Variants in SPACA9 observed in about 807,000 individuals in gnomAD.
SPACA9 encodes sperm acrosome associated 9, also known as sperm acrosome-associated protein 9.
A neutral mutation model predicts 12.5 loss-of-function variants in SPACA9; 14 were observed. That is an observed-to-expected ratio of 1.12 (90% CI 0.74 to 1.75). The LOEUF (loss-of-function observed/expected upper bound fraction) is 1.75, where lower values mean the gene tolerates loss of function less well. Among genes scored for constraint, SPACA9 ranks in the 40% most tolerant of loss-of-function variants. The pLI is 0.00. For missense variants in SPACA9, 292 were observed against 291.9 expected (o/e 1.00, Z 0.00); for synonymous variants, 111 against 114.1 (o/e 0.97, Z 0.17).
intron 1 of SPACA9, among the ~76,000 whole-genome samples, chr9:132,879,338 T>G (rs984983665): frequency 1.3e-5 from 2 of 152,184 alleles, no homozygotes; most frequent in African/African-American, 4.8e-5. Context: ...AAAATTCTGT[T>G]GTCTCTGTAC....
At position 132,889,912 on chromosome 9, in the gene SPACA9, A is replaced by T. The variant is rs1018613478; in HGVS notation, c.*1301A>T. 3 of 1,455,212 alleles carry T rather than the reference A, an allele frequency of 2.1e-6. No homozygotes were observed. The highest frequency in any genetic ancestry group is 1.4e-5 in the African/African-American group (1 of 69,382). The allele number at this position is 1,455,212 out of a possible 1,614,324, so 90.1% of individuals were successfully genotyped here. A position where few individuals can be genotyped will look rare whatever the true frequency, so the allele number is the denominator to read the frequency against. On this transcript the variant is annotated 3_prime_UTR_variant, in exon 4 of 4. Coordinates refer to ENST00000356311, the MANE Select transcript of SPACA9 (RefSeq NM_001316897.2). Reference sequence around the variant, plus strand: ...TTGTAAAATGTGTCCCTGGCTTCTGAGCTTGCCCAAAGTAATGTCTGACTG... The same window carrying T: ...TTGTAAAATGTGTCCCTGGCTTCTGTGCTTGCCCAAAGTAATGTCTGACTG...
Position 132,887,180 on chromosome 9 carries a change from T to TCCAC in SPACA9, c.145-188_145-187insCACC, listed in dbSNP as rs1365147540. On this transcript the variant is annotated intron_variant, in intron 2 of 3. Transcript: ENST00000356311. This position sits in a 1 kb window ranked among gnomAD's most constrained non-coding sequence, Gnocchi z 5.4. ...ATCCATCCATCCATCCATCCATCCA[T>TCCAC]CTATAGAGAGAGAGATACCACTATA... Among the ~76,000 whole-genome samples the TCCAC allele has an allele frequency of 6.6e-6, 1 of 151,712 alleles. No homozygotes were observed. The highest frequency in any genetic ancestry group is 1.5e-5 in the Non-Finnish European group (1 of 67,900).
intron 2 of SPACA9, among the ~76,000 whole-genome samples, chr9:132,886,257 C>T (rs1053827589): frequency 6.6e-6 from 1 of 152,216 alleles, no homozygotes; most frequent in African/African-American, 2.4e-5. Context: ...CAATTCCTCC[C>T]TAGCTCGAGA....
intron 2 of SPACA9, among the ~76,000 whole-genome samples, chr9:132,886,130 T>A (rs748561224): frequency 1.1e-4 from 17 of 152,194 alleles, no homozygotes; most frequent in Non-Finnish European, 2.1e-4. Context: ...AAACCCTGAT[T>A]TAGATGTAGA....
chr9:132,879,144 C>T (rs879319191), intron 1 of SPACA9, 130 bp downstream of exon 1: 3 of 152,128 alleles, frequency 2.0e-5, no homozygotes, highest in Admixed American at 6.5e-5. Context: ...ACAGCTGTCT[C>T]GGGGTGGGGG....
chr9:132,879,389 C>T (rs927465418), intron 1 of SPACA9, among the ~76,000 whole-genome samples: 1 of 152,258 alleles, frequency 6.6e-6, no homozygotes, highest in African/African-American at 2.4e-5. Flanking sequence ...GCAGACAGCC[C>T]CAGCTTCAAG....
rs895678690 is a variant in SPACA9 at position 132,887,943 on chromosome 9, C to T, written c.348-347C>T. ...CTGAGGGCTCCTCATCCTGACAGCC[C>T]GGGAGCCTGCAGCACAGTGGGCCAG... On this transcript the variant is annotated intron_variant, in intron 3 of 3. Transcript: ENST00000356311. This position sits in a 1 kb window ranked among gnomAD's most constrained non-coding sequence, Gnocchi z 5.4. 5.9e-5 allele frequency among the ~76,000 whole-genome samples: 9 copies of T among 152,070 alleles called. No individual in the cohort carries two copies. Among genetic ancestry groups the T allele is most frequent in the Non-Finnish European group, 1.0e-4 (7 of 68,012 alleles).
chr9:132,889,895 T>A lies in SPACA9; in HGVS notation c.*1284T>A. On this transcript the variant is annotated 3_prime_UTR_variant, in exon 4 of 4. Transcript: ENST00000356311. ...TAGTCGAACCCCAAACATTGTAAAA[T>A]GTGTCCCTGGCTTCTGAGCTTGCCC... 1 of 1,425,546 alleles carries A rather than the reference T, an allele frequency of 7.0e-7. No homozygotes were observed. Among genetic ancestry groups the A allele is most frequent in the East Asian group, 2.6e-5 (1 of 37,862 alleles). The allele number at this position is 1,425,546 out of a possible 1,614,324, so 88.3% of individuals were successfully genotyped here.
chr9:132,880,398 G>T (rs58894392), intron 1 of SPACA9, among the ~76,000 whole-genome samples: 1 of 152,058 alleles, frequency 6.6e-6, no homozygotes, highest in East Asian at 1.9e-4. Flanking sequence ...CATTCCTGGC[G>T]TGCATGTCAC....
Position 132,887,671 on chromosome 9 carries a change from GA to G in SPACA9, c.347+101del. The G allele has an allele frequency of 1.0e-6, 1 of 971,916 alleles. No homozygotes were observed. The highest frequency in any genetic ancestry group is 1.6e-6 in the Non-Finnish European group (1 of 628,898). 60.2% of individuals were successfully genotyped at this position (971,916 alleles called of 1,614,324 possible). ...TGCCTGGATCATGGTGCTCCTATTA[GA>G]CCACCCCGGGCAGGAAATCCCAGTC... On this transcript the variant is annotated intron_variant, in intron 3 of 3. Transcript: ENST00000356311. The surrounding 1 kb of genome is among the most constrained non-coding windows in gnomAD (Gnocchi z 5.4).
At chr9:132,881,272 G>GAAAAAAAAAA (rs776094730) in intron 1 of SPACA9, among the ~76,000 whole-genome samples, 28 of 80,114 alleles carry the variant, frequency 3.5e-4, no homozygotes, top group East Asian at 6.7e-4. Flanking sequence ...CAAAAAAAAA[G>GAAAAAAAAAA]AAAAAAAAAA....
intron 1 of SPACA9, among the ~76,000 whole-genome samples, chr9:132,882,847 G>A (rs1281910412): frequency 6.6e-6 from 1 of 152,100 alleles, no homozygotes; most frequent in African/African-American, 2.4e-5. Flanking sequence ...CAGCACTGAC[G>A]ATGCTGGTTA....
At chr9:132,880,585 G>A (rs984049201) in intron 1 of SPACA9, among the ~76,000 whole-genome samples, 7 of 152,018 alleles carry the variant, frequency 4.6e-5, no homozygotes, top group Non-Finnish European at 8.8e-5. Flanking sequence ...GTAAGCCCTG[G>A]GCCAACATTA....
At position 132,887,586 on chromosome 9, in the gene SPACA9, T is replaced by C. The variant is rs1421651085; in HGVS notation, c.347+15T>C. On this transcript the variant is annotated intron_variant, in intron 3 of 3. Transcript: ENST00000356311. This position sits in a 1 kb window ranked among gnomAD's most constrained non-coding sequence, Gnocchi z 5.4. ...CTCAGAGCAAAGTAAGTCCCTCTGA[T>C]GCTGCTCTTGAGGCCCCGTGTGTGC... 2 of 1,609,810 alleles carry C rather than the reference T, an allele frequency of 1.2e-6. No homozygotes were observed. The highest frequency in any genetic ancestry group is 2.2e-5 in the East Asian group (1 of 44,856).
At position 132,888,653 on chromosome 9, in the gene SPACA9, A is replaced by G. The variant is rs1844645670; in HGVS notation, c.*42A>G. On this transcript the variant is annotated 3_prime_UTR_variant, in exon 4 of 4. Coordinates refer to ENST00000356311, the MANE Select transcript of SPACA9 (RefSeq NM_001316897.2). This position sits in a 1 kb window ranked among gnomAD's most constrained non-coding sequence, Gnocchi z 5.0. Reference sequence around the variant, plus strand: ...CCGTCGGCGGAGAGCTTTGCTGTTTAATTTGGATTTTACTGGTTGGTCCTT... The same window carrying G: ...CCGTCGGCGGAGAGCTTTGCTGTTTGATTTGGATTTTACTGGTTGGTCCTT... The G allele has an allele frequency of 2.0e-6, 3 of 1,482,700 alleles. No homozygotes were observed. Among genetic ancestry groups the G allele is most frequent in the Non-Finnish European group, 1.8e-6 (2 of 1,115,884 alleles). The allele number at this position is 1,482,700 out of a possible 1,614,324, so 91.8% of individuals were successfully genotyped here. A position where few individuals can be genotyped will look rare whatever the true frequency, so the allele number is the denominator to read the frequency against.
rs1564459886 is a variant in SPACA9, at chr9:132,888,289, G to C, written c.348-1G>C. 6.2e-7 allele frequency: 1 copy of C among 1,604,672 alleles called. No individual in the cohort carries two copies. Among genetic ancestry groups the C allele is most frequent in the East Asian group, 2.2e-5 (1 of 44,774 alleles). ...TCACCTGGCCCCCTGCCGTCCTGCA[G>C]ATACCCTCATGATGTGGTGAACCAC... On this transcript the variant is annotated splice_acceptor_variant, in intron 3 of 3. Transcript: ENST00000356311. LOFTEE classifies it high-confidence loss of function. The surrounding 1 kb of genome is among the most constrained non-coding windows in gnomAD (Gnocchi z 5.0).
At chr9:132,884,191 C>A in intron 2 of SPACA9, 100 bp downstream of exon 2, 1 of 1,346,356 alleles carries the variant, frequency 7.4e-7, no homozygotes, top group Non-Finnish European at 1.0e-6. Context: ...AGGACGTTTG[C>A]GCCAGAATTA....
chr9:132,884,027 C>A lies in SPACA9; in HGVS notation c.80C>A (p.Ala27Asp). The A allele has an allele frequency of 6.2e-7, 1 of 1,614,200 alleles. No homozygotes were observed. The change falls in exon 2 of 4, where the codon GCC becomes GAC. Residue 27 changes from alanine to aspartate, a missense_variant. Physicochemically the swap from Ala to Asp is moderately radical, Grantham distance 126. Coordinates refer to ENST00000356311, the MANE Select transcript of SPACA9 (RefSeq NM_001316897.2). ...LFQQQQLTFT[A>D]ALEHCRENAH... ...CAGCAGCAGCAGCTCACCTTCACCG[C>A]CGCTCTGGAGCACTGCAGGGAGAAC...
Position 132,887,571 on chromosome 9 carries a change from A to T in SPACA9, c.347A>T (p.Lys116Ile). The change falls in exon 3 of 4, where the codon AAA (lysine) becomes ATA (isoleucine). Residue 116 changes from lysine to isoleucine, a missense_variant and splice_region_variant. By Grantham distance (102) the Lys-to-Ile change is moderately radical. Coordinates refer to ENST00000356311, the MANE Select transcript of SPACA9 (RefSeq NM_001316897.2). The surrounding 1 kb of genome is among the most constrained non-coding windows in gnomAD (Gnocchi z 5.4). ...QSNDLSSLRA[K>I]YPHDVVNHLS... is the part of the protein sequence containing the mutation. Reference sequence around the variant, plus strand: ...AACGACTTAAGCAGCCTCAGAGCAAAGTAAGTCCCTCTGATGCTGCTCTTG... The same window carrying T: ...AACGACTTAAGCAGCCTCAGAGCAATGTAAGTCCCTCTGATGCTGCTCTTG... The T allele has an allele frequency of 6.2e-7, 1 of 1,613,330 alleles. No homozygotes were observed. Among genetic ancestry groups the T allele is most frequent in the East Asian group, 2.2e-5 (1 of 44,894 alleles).
Sources: allele counts gnomAD v4.1 joint callset (sites outside exome capture counted in the v4.1 genomes callset), GRCh38; gene constraint gnomAD v4.1.1; non-coding constraint Gnocchi (gnomAD v3.1); transcripts MANE v1.5; gene names NCBI Gene and HGNC (gene_info 2026-07-23, HGNC 2026-07-21).